TSPAN15: variants seen among roughly 807,000 people sequenced by gnomAD.
TSPAN15 encodes tetraspanin-15.
A neutral mutation model predicts 34.5 loss-of-function variants in TSPAN15; 20 were observed. The observed-to-expected ratio is 0.58, with a 90% confidence interval of 0.41 to 0.84. The LOEUF (loss-of-function observed/expected upper bound fraction) is 0.84, where lower values mean the gene tolerates loss of function less well. TSPAN15 is among the 40% of genes least tolerant of loss of function. TSPAN15 has a pLI of 0.00. For missense variants in TSPAN15, 313 were observed against 386.1 expected (o/e 0.81, Z 1.59); for synonymous variants, 155 against 153.9 (o/e 1.01, Z -0.05).
chr10:69,469,135 A>G (rs1841453999), intron 1 of TSPAN15, among the ~76,000 whole-genome samples: 1 of 151,914 alleles, frequency 6.6e-6, no homozygotes, highest in Non-Finnish European at 1.5e-5. Context: ...TCCAGCTCTC[A>G]ACCAGTAGAA....
the TSPAN15 span, among the ~76,000 whole-genome samples, chr10:69,547,201 CA>C: frequency 1.1e-3 from 154 of 142,530 alleles, no homozygotes; most frequent in African/African-American, 1.4e-3. Flanking sequence ...GACTCCATCT[CA>C]AAAAAAAAAA....
chr10:69,499,964 A>T (rs56005415), intron 5 of TSPAN15, among the ~76,000 whole-genome samples: 5,419 of 152,266 alleles, frequency 0.036, 166 homozygotes, highest in Non-Finnish European at 0.051. Context: ...CCCGAAGGCC[A>T]CAGGCAGGAC....
the TSPAN15 span, among the ~76,000 whole-genome samples, chr10:69,519,611 A>G: frequency 0.6 from 91,321 of 152,084 alleles, 27,848 homozygotes; most frequent in African/African-American, 0.67. Context: ...GTTCAAATGT[A>G]AATATTTGTT....
At chr10:69,537,663 T>G in the TSPAN15 span, among the ~76,000 whole-genome samples, 1 of 152,196 alleles carries the variant, frequency 6.6e-6, no homozygotes, top group Non-Finnish European at 1.5e-5. Flanking sequence ...CCTAACTCAT[T>G]ACATCTACAA....
downstream of TSPAN15, among the ~76,000 whole-genome samples, chr10:69,510,482 C>T (rs147056859): frequency 8.9e-3 from 1,362 of 152,268 alleles, 17 homozygotes; most frequent in African/African-American, 0.031. Flanking sequence ...TGGGCTGAGA[C>T]GATGGAGTTT....
intron 5 of TSPAN15, among the ~76,000 whole-genome samples, chr10:69,502,566 A>G (rs1842232830): frequency 6.7e-6 from 1 of 150,188 alleles, no homozygotes; most frequent in African/African-American, 2.4e-5. Context: ...AGGCTACTGG[A>G]CCCTGGTCTT....
chr10:69,548,963 C>T, the TSPAN15 span, among the ~76,000 whole-genome samples: 5 of 112,148 alleles, frequency 4.5e-5, no homozygotes, highest in Admixed American at 1.8e-4. Context: ...ACTGTAGTCC[C>T]ATTTTTTAAG....
At chr10:69,457,906 C>G (rs892026351) in intron 1 of TSPAN15, among the ~76,000 whole-genome samples, 1 of 152,196 alleles carries the variant, frequency 6.6e-6, no homozygotes, top group African/African-American at 2.4e-5. Context: ...TCCTGCCTTC[C>G]TCTCTAGCCT....
downstream of TSPAN15, among the ~76,000 whole-genome samples, chr10:69,510,740 G>T (rs1842406018): frequency 6.6e-6 from 1 of 152,168 alleles, no homozygotes; most frequent in African/African-American, 2.4e-5. Context: ...ATTATTTTGA[G>T]ATATGTTCCA....
intron 3 of TSPAN15, among the ~76,000 whole-genome samples, chr10:69,486,433 TA>T (rs1380676400): frequency 5.3e-5 from 8 of 150,494 alleles, no homozygotes; most frequent in African/African-American, 1.8e-4. Flanking sequence ...TCTTTTTTTT[TA>T]AAAATAATGT....
chr10:69,502,227 G>A (rs899513485), intron 5 of TSPAN15, among the ~76,000 whole-genome samples: 1 of 152,192 alleles, frequency 6.6e-6, no homozygotes, highest in African/African-American at 2.4e-5. Flanking sequence ...GAGGATTTGA[G>A]CCATAGAAGT....
At chr10:69,514,743 G>A in the TSPAN15 span, among the ~76,000 whole-genome samples, 1 of 152,082 alleles carries the variant, frequency 6.6e-6, no homozygotes, top group African/African-American at 2.4e-5. Flanking sequence ...CTGGCTAGGG[G>A]TTTATAGATT....
chr10:69,499,064 G>A (rs1842148866), intron 5 of TSPAN15, among the ~76,000 whole-genome samples: 1 of 152,198 alleles, frequency 6.6e-6, no homozygotes, highest in African/African-American at 2.4e-5. Context: ...GATCCTCTCG[G>A]GTCTGTCACC....
downstream of TSPAN15, among the ~76,000 whole-genome samples, chr10:69,510,663 A>T (rs1842405196): frequency 6.6e-6 from 1 of 152,234 alleles, no homozygotes; most frequent in South Asian, 2.1e-4. Flanking sequence ...TGGTTTTCAA[A>T]GGGAGTGCTT....
At chr10:69,464,906 G>T (rs1237093401) in intron 1 of TSPAN15, among the ~76,000 whole-genome samples, 1 of 152,224 alleles carries the variant, frequency 6.6e-6, no homozygotes, top group Admixed American at 6.5e-5. Context: ...GGGGACAGAG[G>T]CCTGACTTAT....
the TSPAN15 span, among the ~76,000 whole-genome samples, chr10:69,546,840 C>T: frequency 6.6e-6 from 1 of 152,124 alleles, no homozygotes; most frequent in East Asian, 1.9e-4. Context: ...ACAAAAATCT[C>T]CCTGCTCAAA....
At chr10:69,468,282 A>G (rs1387809239) in intron 1 of TSPAN15, among the ~76,000 whole-genome samples, 1 of 152,186 alleles carries the variant, frequency 6.6e-6, no homozygotes, top group Non-Finnish European at 1.5e-5. Context: ...CTGGCTGCCC[A>G]CAGCCTGCCT....
chr10:69,452,719 T>G (rs1018651033), intron 1 of TSPAN15, among the ~76,000 whole-genome samples: 2 of 152,176 alleles, frequency 1.3e-5, no homozygotes, highest in Non-Finnish European at 2.9e-5. Flanking sequence ...GAGATGAGGA[T>G]ATCTTCCTAT....
At chr10:69,516,539 G>A in the TSPAN15 span, among the ~76,000 whole-genome samples, 224 of 152,306 alleles carry the variant, frequency 1.5e-3, no homozygotes, top group East Asian at 4.4e-3. Context: ...AATGAGAAGT[G>A]GGAGTACTAG....
Sources: gnomAD v4.1 joint callset for allele counts (sites outside exome capture counted in the v4.1 genomes callset) on GRCh38, gnomAD v4.1.1 for gene constraint, MANE v1.5 for transcripts, NCBI Gene and HGNC (gene_info 2026-07-23, HGNC 2026-07-21) for gene names.